Variants in TRIP11 observed in about 807,000 individuals in gnomAD.
TRIP11 encodes the protein thyroid hormone receptor interactor 11, also known as thyroid receptor-interacting protein 11.
Under a neutral mutation model 223.1 loss-of-function variants are expected in TRIP11, and 148 were observed. The observed-to-expected ratio is 0.66, with a 90% confidence interval of 0.58 to 0.76. The LOEUF (loss-of-function observed/expected upper bound fraction) is 0.76. Among genes scored for constraint, TRIP11 ranks in the 30% least tolerant of loss-of-function variants. The pLI, the probability that TRIP11 is intolerant of heterozygous loss-of-function variation, is 0.00. For synonymous variants in TRIP11, 762 were observed against 772.6 expected (o/e 0.99, Z 0.23); for missense variants, 2,043 against 2,222.0 (o/e 0.92, Z 1.62).
intron 1 of TRIP11, 97 bp from the exon 2 acceptor site, chr14:92,033,350 G>C: frequency 1.0e-6 from 1 of 955,850 alleles, no homozygotes; most frequent in Non-Finnish European, 1.7e-6. Context: ...AGTTTACACA[G>C]AATAGTAGGC....
chr14:91,988,530 T>C (rs2056631832), intron 15 of TRIP11, 147 bp from the exon 16 acceptor site: 2 of 668,972 alleles, frequency 3.0e-6, no homozygotes, highest in East Asian at 2.7e-5. Context: ...AACCAATAAG[T>C]ATCAAAGGCA....
At chr14:91,972,996 A>G (rs1414222208) in intron 19 of TRIP11, 135 bp from the exon 20 acceptor site, 1 of 749,514 alleles carries the variant, frequency 1.3e-6, no homozygotes, top group African/African-American at 1.8e-5. Context: ...TTTACAAATC[A>G]GCTTTATGAA....
chr14:92,026,815 C>A, intron 2 of TRIP11: 1 of 1,365,250 alleles, frequency 7.3e-7, no homozygotes, highest in Non-Finnish European at 1.0e-6. Flanking sequence ...CAGCTACCGG[C>A]AAGTGGGCAG....
intron 20 of TRIP11, 70 bp from the exon 21 acceptor site, chr14:91,969,963 T>C: frequency 7.2e-7 from 1 of 1,386,594 alleles, no homozygotes. Context: ...ACTCTGAATG[T>C]AATAGCATAA....
At position 92,002,997 on chromosome 14, in the gene TRIP11, T is replaced by C. The variant is rs181650104; in HGVS notation, c.4557+422A>G. Among the ~76,000 whole-genome samples, 99 of 152,286 alleles carry C rather than the reference T, an allele frequency of 6.5e-4. 1 individual carries two copies. Among genetic ancestry groups the C allele is most frequent in the African/African-American group, 2.2e-3 (90 of 41,546 alleles). ...TACATACTCTTACTGTGTCACAACG[T>C]GAAATGTATTTCTTACTGCAGATGG... On this transcript the variant is annotated intron_variant, in intron 11 of 20. Transcript: ENST00000267622.
chr14:91,983,428 C>T (rs2056567781), intron 16 of TRIP11, among the ~76,000 whole-genome samples: 2 of 152,180 alleles, frequency 1.3e-5, no homozygotes, highest in Admixed American at 1.3e-4. Flanking sequence ...ATGAACTCAT[C>T]CATACATAAA....
Position 92,015,692 on chromosome 14 carries a change from T to A in TRIP11, c.823+4A>T, listed in dbSNP as rs778772980. 5.0e-6 allele frequency: 8 copies of A among 1,602,354 alleles called. No homozygotes were observed. In the East Asian group the frequency reaches 1.6e-4, roughly 31 times the overall value. ...AATAATAATAAAGAAATAAAACTAA[T>A]AACCTTGTTGTAACAGATTTTCAAG... is the stretch of plus-strand genomic sequence containing the variant. On this transcript the variant is annotated splice_donor_region_variant and intron_variant, in intron 6 of 20. Transcript: ENST00000267622.
intron 4 of TRIP11, among the ~76,000 whole-genome samples, 190 bp downstream of exon 4, chr14:92,021,366 G>A (rs1201933528): frequency 6.8e-6 from 1 of 147,234 alleles, no homozygotes; most frequent in East Asian, 2.0e-4. Flanking sequence ...TCTAGCATGG[G>A]AGACAGAGCA....
intron 3 of TRIP11, among the ~76,000 whole-genome samples, chr14:92,024,016 C>T (rs536249402): frequency 4.7e-4 from 71 of 151,454 alleles, no homozygotes; most frequent in African/African-American, 1.5e-3. Flanking sequence ...CCACCACGTC[C>T]GGCTAATTTT....
rs568801221 is a variant in TRIP11, at chr14:92,037,377, A to T, written c.139+2170T>A. ...TGTGTGGGAGTCAGAATGGTTCACC[A>T]AGTACTTAAGTACCTGACATATGAG... On this transcript the variant is annotated intron_variant, in intron 1 of 20. Coordinates refer to ENST00000267622, the MANE Select transcript of TRIP11 (RefSeq NM_004239.4). The surrounding 1 kb of genome is among the most constrained non-coding windows in gnomAD (Gnocchi z 4.2). Among the ~76,000 whole-genome samples, 345 of 152,354 alleles carry T rather than the reference A, an allele frequency of 2.3e-3. No individual in the cohort carries two copies. Among genetic ancestry groups the T allele is most frequent in the Non-Finnish European group, 4.2e-3 (283 of 68,032 alleles).
intron 20 of TRIP11, among the ~76,000 whole-genome samples, chr14:91,970,369 C>T (rs1424929946): frequency 6.6e-6 from 1 of 151,876 alleles, no homozygotes; most frequent in Admixed American, 6.6e-5. Context: ...CTGGAGATCG[C>T]ACCACTGCAC....
chr14:92,012,568 G>C (rs2056985690), intron 7 of TRIP11, among the ~76,000 whole-genome samples: 1 of 152,204 alleles, frequency 6.6e-6, no homozygotes, highest in Admixed American at 6.5e-5. Flanking sequence ...AGAAGTGGCA[G>C]TGCTAGGTAC....
intron 15 of TRIP11, among the ~76,000 whole-genome samples, chr14:91,988,901 T>C (rs1595374688): frequency 6.6e-6 from 1 of 152,324 alleles, no homozygotes; most frequent in East Asian, 1.9e-4. Flanking sequence ...TGAGTTCTAT[T>C]TCTCCTGTCC....
intron 6 of TRIP11, 114 bp downstream of exon 6, chr14:92,015,582 C>A (rs929794548): frequency 1.7e-5 from 14 of 818,296 alleles, no homozygotes; most frequent in Non-Finnish European, 2.4e-5. Flanking sequence ...CGCTTGAACC[C>A]GGGGGGCGGA....
chr14:92,021,976 T>A, intron 3 of TRIP11, 145 bp from the exon 4 acceptor site: 1 of 818,702 alleles, frequency 1.2e-6, no homozygotes, highest in Admixed American at 2.5e-5. Flanking sequence ...CTAAGTCTTA[T>A]ATAACATTCT....
At position 92,007,834 on chromosome 14, in the gene TRIP11, G is replaced by C; in HGVS notation, c.1333C>G (p.Leu445Val). ...TCATATTCATTGTTCAATTTTAAAA[G>C]TGACATCTGAAGTTCTTCCTGAAAT... ...SQEKEELQMS[L>V]LKLNNEYEVI... Residue 445 changes from leucine (L) to valine (V), a missense_variant, in exon 10 of 21, where the codon CTT becomes GTT. Physicochemically the swap from Leu to Val is conservative, Grantham distance 32. Transcript: ENST00000267622. 2 of 1,610,054 alleles carry C rather than the reference G, an allele frequency of 1.2e-6. No individual in the cohort carries two copies. The highest frequency in any genetic ancestry group is 1.7e-6 in the Non-Finnish European group (2 of 1,178,132).
At chr14:92,019,191 T>C (rs977554785) in intron 4 of TRIP11, among the ~76,000 whole-genome samples, 5 of 152,248 alleles carry the variant, frequency 3.3e-5, no homozygotes, top group African/African-American at 1.2e-4. Flanking sequence ...AGGTCTGTCA[T>C]GGAGTAGGCA....
intron 14 of TRIP11, 128 bp from the exon 15 acceptor site, chr14:91,994,040 C>G: frequency 5.6e-6 from 4 of 712,982 alleles, no homozygotes; most frequent in Non-Finnish European, 9.8e-6. Flanking sequence ...GAATATATGC[C>G]TTAGTGATAA....
chr14:92,034,404 C>T (rs2057301647), intron 1 of TRIP11, among the ~76,000 whole-genome samples: 1 of 144,158 alleles, frequency 6.9e-6, no homozygotes, highest in Admixed American at 6.9e-5. Context: ...GCCTGGGTTA[C>T]AGAGTGAGAC....
Sources: gnomAD v4.1 joint callset for allele counts (sites outside exome capture counted in the v4.1 genomes callset) on GRCh38, gnomAD v4.1.1 for gene constraint, Gnocchi (gnomAD v3.1) non-coding constraint, MANE v1.5 for transcripts, NCBI Gene and HGNC (gene_info 2026-07-23, HGNC 2026-07-21) for gene names.